CD109: variants seen among roughly 807,000 people sequenced by gnomAD.
CD109 encodes the protein CD109 antigen.
Under a neutral mutation model 165.8 loss-of-function variants are expected in CD109, and 149 were observed. The observed-to-expected ratio is 0.90, with a 90% CI of 0.79 to 1.03. The LOEUF is 1.03. Ranked by LOEUF, CD109 falls within the 50% of genes least tolerant of loss-of-function variation. The probability of loss-of-function intolerance (pLI) is 0.00; values close to 1 mark genes in which losing one functional copy is unlikely to be tolerated. For missense variants in CD109, 1,712 were observed against 1,677.8 expected, an observed-to-expected ratio of 1.02 and a Z score of -0.36; for synonymous variants, 585 against 592.1, an observed-to-expected ratio of 0.99 and a Z score of 0.18.
intron 24 of CD109, among the ~76,000 whole-genome samples, chr6:73,805,538 C>T (rs904975438): frequency 1.3e-5 from 2 of 152,196 alleles, no homozygotes; most frequent in Non-Finnish European, 2.9e-5. Context: ...GGTGTTCCTT[C>T]TGCTTATACT....
chr6:73,743,725 A>G (rs772953843), intron 5 of CD109, among the ~76,000 whole-genome samples: 1 of 152,226 alleles, frequency 6.6e-6, no homozygotes, highest in Non-Finnish European at 1.5e-5. Context: ...TGTGACGACA[A>G]CTTAACAGAA....
chr6:73,762,415 G>T lies in CD109; in HGVS notation c.790G>T (p.Val264Leu), dbSNP rs758558743. The change falls in exon 8 of 33, where the codon GTA becomes TTA. Residue 264 changes from valine to leucine, a missense_variant. Physicochemically the swap from Val to Leu is conservative, Grantham distance 32. Coordinates refer to ENST00000287097, the MANE Select transcript of CD109 (RefSeq NM_133493.5). ...ATATGGGAAGCCAGTGAAAGGAGAC[G>T]TAACGCTTACATTTTTACCTTTATC... is the stretch of plus-strand genomic sequence containing the variant. ...YTYGKPVKGD[V>L]TLTFLPLSFW... 1 of 1,610,812 alleles carries T rather than the reference G, an allele frequency of 6.2e-7. No homozygotes were observed. The highest frequency in any genetic ancestry group is 1.1e-5 in the South Asian group (1 of 90,826).
At chr6:73,710,149 AT>A (rs891167803) in intron 2 of CD109, among the ~76,000 whole-genome samples, 26 of 152,282 alleles carry the variant, frequency 1.7e-4, no homozygotes, top group African/African-American at 5.8e-4. Context: ...AGGAAGTCAA[AT>A]TGTCCCTGTT....
rs761182899 is a variant in CD109, at chr6:73,766,971, G to T, written c.1458G>T (p.Val486=). 2 of 1,613,198 alleles carry T rather than the reference G, an allele frequency of 1.2e-6. No individual in the cohort carries two copies. Among genetic ancestry groups the T allele is most frequent in the South Asian group, 2.2e-5 (2 of 90,978 alleles). Residue 486 remains valine, a synonymous_variant, in exon 13 of 33, where the codon GTG becomes GTT. Coordinates refer to ENST00000287097, the MANE Select transcript of CD109 (RefSeq NM_133493.5). ...AGGTGGGATCGCCTTTTGAGTTGGT[G>T]GTTAGTGGCAACAAACGATTGAAGG... ...NIKVGSPFEL[V]VSGNKRLKEL...
chr6:73,756,385 C>A (rs542674083), intron 5 of CD109, among the ~76,000 whole-genome samples: 22 of 152,034 alleles, frequency 1.4e-4, no homozygotes, highest in African/African-American at 4.8e-4. Context: ...TTAAATGACC[C>A]GCAATGAATT....
chr6:73,763,392 G>T (rs113392950), intron 9 of CD109, among the ~76,000 whole-genome samples, 184 bp from the exon 10 acceptor site: 93 of 152,240 alleles, frequency 6.1e-4, no homozygotes, highest in African/African-American at 2.1e-3. Flanking sequence ...GCTTAGAGGG[G>T]ATCCATAGAG....
intron 29 of CD109, 144 bp downstream of exon 29, chr6:73,812,414 T>C: frequency 5.3e-6 from 3 of 566,672 alleles, no homozygotes; most frequent in Non-Finnish European, 9.2e-6. Flanking sequence ...ATCACTGTCT[T>C]TAATAAAAAG....
chr6:73,781,294 C>T lies in CD109; in HGVS notation c.1938C>T (p.Leu646=), dbSNP rs1774485305. The change falls in exon 17 of 33, where the codon CTC becomes CTT. Residue 646 remains leucine, a synonymous_variant. Coordinates refer to ENST00000287097, the MANE Select transcript of CD109 (RefSeq NM_133493.5). ...TCTGGGTATTGACAGATGCAAACCT[C>T]ACGAAGGATTATATTGATGGTGTTT... ...CGLWVLTDAN[L]TKDYIDGVYD... 3.7e-6 allele frequency: 6 copies of T among 1,613,130 alleles called. No individual in the cohort carries two copies. The South Asian group carries it at 5.5e-5, about 15-fold the overall frequency.
chr6:73,805,222 A>G (rs976747471), intron 24 of CD109, among the ~76,000 whole-genome samples: 5 of 152,218 alleles, frequency 3.3e-5, no homozygotes, highest in Admixed American at 6.5e-5. Flanking sequence ...TTCTGTACTA[A>G]GAAAAATTCT....
At chr6:73,681,571 G>C in the CD109 span, among the ~76,000 whole-genome samples, 1 of 151,908 alleles carries the variant, frequency 6.6e-6, no homozygotes, top group South Asian at 2.1e-4. Flanking sequence ...GATGGCAGCA[G>C]GCAAAGAGAG....
intron 5 of CD109, among the ~76,000 whole-genome samples, chr6:73,740,464 C>T (rs949533716): frequency 2.0e-5 from 3 of 151,972 alleles, no homozygotes; most frequent in East Asian, 1.9e-4. Context: ...TTTATGATAC[C>T]GTGTTAACCT....
chr6:73,750,354 T>C (rs944649973), intron 5 of CD109, among the ~76,000 whole-genome samples: 5 of 151,950 alleles, frequency 3.3e-5, no homozygotes, highest in Non-Finnish European at 5.9e-5. Flanking sequence ...TCCAAAGCAA[T>C]AGAGAAAGAA....
At position 73,758,989 on chromosome 6, in the gene CD109, C is replaced by G. The variant is rs772607561; in HGVS notation, c.719C>G (p.Ser240Cys). 2 of 1,607,768 alleles carry G rather than the reference C, an allele frequency of 1.2e-6. No individual in the cohort carries two copies. The highest frequency in any genetic ancestry group is 4.5e-5 in the East Asian group (2 of 44,760). ...ACTTTGCAGACACCATTATATTGTT[C>G]TATGAATTCTAAGCATTTAAATGGT... is the stretch of plus-strand genomic sequence containing the variant. ...EVTLQTPLYC[S>C]MNSKHLNGTI... The change falls in exon 7 of 33, where the codon TCT becomes TGT. Residue 240 changes from serine (S) to cysteine (C), a missense_variant. Transcript: ENST00000287097.
chr6:73,762,408 AGGAGACGTAAC>A lies in CD109; in HGVS notation c.785_795del (p.Gly262AlafsTer20). 1 of 1,610,240 alleles carries A rather than the reference AGGAGACGTAAC, an allele frequency of 6.2e-7. No individual in the cohort carries two copies. Among genetic ancestry groups the A allele is most frequent in the Non-Finnish European group, 8.5e-7 (1 of 1,176,878 alleles). On this transcript the variant is annotated frameshift_variant, in exon 8 of 33. Transcript: ENST00000287097. LOFTEE classifies it high-confidence loss of function. ...GGTATACATATGGGAAGCCAGTGAA[AGGAGACGTAAC>A]GCTTACATTTTTACCTTTATCCTTT...
upstream of CD109, among the ~76,000 whole-genome samples, chr6:73,692,355 T>A (rs1770706350): frequency 6.6e-6 from 1 of 152,198 alleles, no homozygotes; most frequent in Non-Finnish European, 1.5e-5. Flanking sequence ...AAAGAGCTTC[T>A]AAGATGCCCC....
intron 29 of CD109, among the ~76,000 whole-genome samples, chr6:73,813,002 A>G (rs1290893325): frequency 6.6e-6 from 1 of 152,126 alleles, no homozygotes; most frequent in Non-Finnish European, 1.5e-5. Context: ...TTTTTCAAAA[A>G]CCAGAACAAC....
At chr6:73,681,779 T>C in the CD109 span, among the ~76,000 whole-genome samples, 1 of 152,140 alleles carries the variant, frequency 6.6e-6, no homozygotes, top group South Asian at 2.1e-4. Context: ...ATTTTTATAT[T>C]TTTAGTAGAG....
intron 4 of CD109, among the ~76,000 whole-genome samples, chr6:73,732,842 A>G (rs1355045253): frequency 2.6e-5 from 4 of 152,238 alleles, no homozygotes; most frequent in Admixed American, 1.3e-4. Flanking sequence ...GACTTAGCAG[A>G]CCACGTTTGG....
chr6:73,781,449 A>C, intron 17 of CD109, 130 bp downstream of exon 17: 2 of 751,078 alleles, frequency 2.7e-6, no homozygotes, highest in Non-Finnish European at 4.4e-6. Context: ...CTTCTCCCAA[A>C]ATGTTTGGAG....
Sources: allele counts gnomAD v4.1 joint callset (sites outside exome capture counted in the v4.1 genomes callset), GRCh38; gene constraint gnomAD v4.1.1; transcripts MANE v1.5; gene names NCBI Gene and HGNC (gene_info 2026-07-23, HGNC 2026-07-21).